The following CABLES1 variants were observed in gnomAD, a reference collection of about 807,000 sequenced individuals.
The protein encoded by CABLES1 is Cdk5 and Abl enzyme substrate 1.
Under a neutral mutation model 57.8 loss-of-function variants are expected in CABLES1, and 36 were observed. The observed-to-expected ratio is 0.62, with a 90% CI of 0.48 to 0.82. CABLES1 has a LOEUF of 0.82. Among genes scored for constraint, CABLES1 ranks in the 40% least tolerant of loss-of-function variants. The pLI is 0.00. For synonymous variants in CABLES1, 374 were observed against 363.0 expected (o/e 1.03, Z -0.35); for missense variants, 767 against 836.6 (o/e 0.92, Z 1.03).
chr18:23,253,370 C>T (rs1001025444), intron 8 of CABLES1, among the ~76,000 whole-genome samples: 1 of 152,176 alleles, frequency 6.6e-6, no homozygotes, highest in African/African-American at 2.4e-5. Flanking sequence ...GTAAGCACAG[C>T]TACTTGGGAG....
At chr18:23,160,596 C>G (rs749535177) in intron 1 of CABLES1, among the ~76,000 whole-genome samples, 2 of 152,126 alleles carry the variant, frequency 1.3e-5, no homozygotes, top group African/African-American at 4.8e-5. Flanking sequence ...GGGAGGTGAT[C>G]GTGGTCATTC....
intron 1 of CABLES1, among the ~76,000 whole-genome samples, chr18:23,175,014 C>A (rs116386136): frequency 6.6e-6 from 1 of 151,724 alleles, no homozygotes; most frequent in Non-Finnish European, 1.5e-5. Context: ...CTGCCACATC[C>A]GTTAAATTGA....
chr18:23,212,018 A>G (rs1233793693), intron 3 of CABLES1, among the ~76,000 whole-genome samples: 2 of 152,240 alleles, frequency 1.3e-5, no homozygotes, highest in African/African-American at 4.8e-5. Flanking sequence ...GGCCCGTGGT[A>G]TCTGATGAGC....
Position 23,135,705 on chromosome 18 carries a change from C to T in CABLES1, c.-58C>T. The T allele has an allele frequency of 1.0e-6, 1 of 984,160 alleles. No homozygotes were observed. The highest frequency in any genetic ancestry group is 1.2e-6 in the Non-Finnish European group (1 of 830,466). 61.0% of individuals were successfully genotyped at this position (984,160 alleles called of 1,614,324 possible). A position where few individuals can be genotyped will look rare whatever the true frequency, so the allele number is the denominator to read the frequency against. Reference sequence around the variant, plus strand: ...GCCGCCGCTCGCGCCCGCCGCTTAGCGCTCGGGCGCCGCTCGCTTCTCCGG... The same window carrying T: ...GCCGCCGCTCGCGCCCGCCGCTTAGTGCTCGGGCGCCGCTCGCTTCTCCGG... On this transcript the variant is annotated 5_prime_UTR_variant, in exon 1 of 10. Coordinates refer to ENST00000256925, the MANE Select transcript of CABLES1 (RefSeq NM_001100619.3).
chr18:23,193,658 CA>C (rs1250151430), intron 2 of CABLES1, among the ~76,000 whole-genome samples: 1 of 152,136 alleles, frequency 6.6e-6, no homozygotes, highest in African/African-American at 2.4e-5. Context: ...GTTTGTTGAG[CA>C]TTTTGCTTTT....
chr18:23,198,418 A>G (rs548383533), intron 3 of CABLES1, among the ~76,000 whole-genome samples: 1 of 152,322 alleles, frequency 6.6e-6, no homozygotes, highest in African/African-American at 2.4e-5. Context: ...TAATCCTTGA[A>G]ACAGCCTGAG....
intron 1 of CABLES1, among the ~76,000 whole-genome samples, chr18:23,140,315 C>T (rs1013953185): frequency 4.6e-5 from 7 of 152,200 alleles, no homozygotes; most frequent in South Asian, 4.1e-4. Flanking sequence ...CTCTACTTCC[C>T]GGAGATTCTG....
At chr18:23,154,210 A>T (rs2046951167) in intron 1 of CABLES1, among the ~76,000 whole-genome samples, 1 of 152,214 alleles carries the variant, frequency 6.6e-6, no homozygotes, top group Non-Finnish European at 1.5e-5. Context: ...GTGATCTCAC[A>T]TGTGAAGAAG....
At chr18:23,174,537 TCTCAGTTCACTGCAAG>T (rs1416601478) in intron 1 of CABLES1, among the ~76,000 whole-genome samples, 2 of 151,632 alleles carry the variant, frequency 1.3e-5, no homozygotes, top group South Asian at 2.1e-4. Context: ...AGTGGCACGA[TCTCAGTTCACTGCAAG>T]CTCCACCTCC....
chr18:23,248,284 G>A (rs746079949), intron 7 of CABLES1, among the ~76,000 whole-genome samples: 22 of 152,292 alleles, frequency 1.4e-4, no homozygotes, highest in African/African-American at 4.8e-4. Context: ...CGCCTTCACC[G>A]AGCCAGGTTC....
chr18:23,238,716 A>G (rs2047664689), intron 7 of CABLES1, among the ~76,000 whole-genome samples: 1 of 152,230 alleles, frequency 6.6e-6, no homozygotes, highest in South Asian at 2.1e-4. Context: ...CACTTTATTT[A>G]TTAAGCAACA....
At chr18:23,147,157 A>G (rs1280652980) in intron 1 of CABLES1, among the ~76,000 whole-genome samples, 8 of 152,202 alleles carry the variant, frequency 5.3e-5, no homozygotes, top group Admixed American at 5.2e-4. Context: ...CTCTCTCCAG[A>G]TAATATTAAT....
intron 1 of CABLES1, among the ~76,000 whole-genome samples, chr18:23,188,269 T>A (rs2047216955): frequency 6.6e-6 from 1 of 152,252 alleles, no homozygotes; most frequent in Non-Finnish European, 1.5e-5. Flanking sequence ...CATATATTTA[T>A]TCTTTCTACC....
At chr18:23,141,669 A>G (rs1222676203) in intron 1 of CABLES1, among the ~76,000 whole-genome samples, 1 of 152,218 alleles carries the variant, frequency 6.6e-6, no homozygotes, top group Non-Finnish European at 1.5e-5. Context: ...CCCTTGTTGC[A>G]GTCACAAAGC....
In CABLES1 at chr18:23,136,493, C is replaced by T. The variant is rs762341170; in HGVS notation, c.731C>T (p.Thr244Ile). The change falls in exon 1 of 10, where the codon ACT (threonine) becomes ATT (isoleucine). Residue 244 changes from threonine (T) to isoleucine (I), a missense_variant. Transcript: ENST00000256925. Reference protein sequence around the residue: ...SGSRGRLNSFTQGILPIAFSR... With the variant: ...SGSRGRLNSFIQGILPIAFSR... ...AGTCGGGGACGCCTCAACTCGTTCA[C>T]TCAGGGAATCCTGCCCATCGCCTTC... 1.2e-6 allele frequency: 2 copies of T among 1,601,698 alleles called. No individual in the cohort carries two copies. The highest frequency in any genetic ancestry group is 1.7e-6 in the Non-Finnish European group (2 of 1,177,602).
At chr18:23,159,693 A>T (rs1829428795) in intron 1 of CABLES1, among the ~76,000 whole-genome samples, 1 of 152,216 alleles carries the variant, frequency 6.6e-6, no homozygotes, top group Non-Finnish European at 1.5e-5. Flanking sequence ...GACAGCTGTT[A>T]AAGTTTAAAA....
chr18:23,134,782 C>G (rs570291752), upstream of CABLES1: 1 of 152,116 alleles, frequency 6.6e-6, no homozygotes, highest in South Asian at 2.1e-4. Flanking sequence ...AGTGACAATA[C>G]CATGGATTGG....
At chr18:23,191,990 G>C (rs1331811346) in intron 2 of CABLES1, among the ~76,000 whole-genome samples, 1 of 148,360 alleles carries the variant, frequency 6.7e-6, no homozygotes, top group Non-Finnish European at 1.5e-5. Context: ...TTAGTAAGGT[G>C]TATGTGCAGT....
chr18:23,151,049 C>T (rs894268699), intron 1 of CABLES1, among the ~76,000 whole-genome samples: 14 of 138,422 alleles, frequency 1.0e-4, no homozygotes, highest in African/African-American at 2.9e-4. Context: ...GGCAGAGTCT[C>T]GCTCTGTTGC....
Sources: gnomAD v4.1 joint callset for allele counts (sites outside exome capture counted in the v4.1 genomes callset) on GRCh38, gnomAD v4.1.1 for gene constraint, MANE v1.5 for transcripts, NCBI Gene and HGNC (gene_info 2026-07-23, HGNC 2026-07-21) for gene names.